Variants in DGKD observed in about 807,000 individuals in gnomAD.
DGKD encodes diacylglycerol kinase delta.
A neutral mutation model predicts 154.4 loss-of-function variants in DGKD; 68 were observed. The observed-to-expected ratio is 0.44, with a 90% CI of 0.36 to 0.54. DGKD has a LOEUF of 0.54. Ranked by LOEUF, DGKD falls within the 20% of genes least tolerant of loss-of-function variation. The pLI, the probability that DGKD is intolerant of heterozygous loss-of-function variation, is 0.00. For missense variants in DGKD, 1,343 were observed against 1,593.6 expected (o/e 0.84, Z 2.68); for synonymous variants, 693 against 638.0 (o/e 1.09, Z -1.30).
In DGKD at chr2:233,462,332, T is replaced by G; in HGVS notation, c.2982-16T>G. The G allele has an allele frequency of 6.3e-7, 1 of 1,588,292 alleles. No homozygotes were observed. Among genetic ancestry groups the G allele is most frequent in the Non-Finnish European group, 8.6e-7 (1 of 1,159,554 alleles). Reference sequence around the variant, plus strand: ...CATTTGGCCTGACATCTGCCCGTGCTTCTCTTCCTCTCTAGTATCCGAGAA... The same window carrying G: ...CATTTGGCCTGACATCTGCCCGTGCGTCTCTTCCTCTCTAGTATCCGAGAA... On this transcript the variant is annotated splice_polypyrimidine_tract_variant and intron_variant, in intron 24 of 29. Transcript: ENST00000264057.
At chr2:233,370,248 C>G (rs1702241936) in intron 1 of DGKD, among the ~76,000 whole-genome samples, 1 of 152,126 alleles carries the variant, frequency 6.6e-6, no homozygotes, top group Admixed American at 6.6e-5. Context: ...CAGTCTTGCT[C>G]TTTCTCTCAG....
rs566787714 is a variant in DGKD, at chr2:233,373,927, G to A, written c.157-14330G>A. Among the ~76,000 whole-genome samples, 66 of 151,854 alleles carry A rather than the reference G, an allele frequency of 4.3e-4. 1 individual carries two copies. The highest frequency in any genetic ancestry group is 1.5e-3 in the African/African-American group (62 of 41,420). On this transcript the variant is annotated intron_variant, in intron 1 of 29. Coordinates refer to ENST00000264057, the MANE Select transcript of DGKD (RefSeq NM_152879.3). ...TAGAATAATAATACACAAAGTAAAA[G>A]CAGATCTAGTTGCAGTATATTGTTG...
Position 233,458,240 on chromosome 2 carries a change from G to A in DGKD, c.2581-44G>A, listed in dbSNP as rs747542300. On this transcript the variant is annotated intron_variant, in intron 21 of 29. Coordinates refer to ENST00000264057, the MANE Select transcript of DGKD (RefSeq NM_152879.3). The surrounding 1 kb of genome is among the most constrained non-coding windows in gnomAD (Gnocchi z 6.6). ...GTGAGGGTAGGGGCGGCCTGTGCTC[G>A]GGGATGTGTGGAGTGGTGGTCAGCT... The A allele has an allele frequency of 1.2e-5, 16 of 1,373,050 alleles. No homozygotes were observed. The South Asian group carries it at 1.6e-4, about 13-fold the overall frequency. The allele number at this position is 1,373,050 out of a possible 1,614,324, so 85.1% of individuals were successfully genotyped here. A position where few individuals can be genotyped will look rare whatever the true frequency, so the allele number is the denominator to read the frequency against.
chr2:233,454,808 T>C lies in DGKD; in HGVS notation c.2310T>C (p.Ile770=). 6.2e-7 allele frequency: 1 copy of C among 1,614,054 alleles called. No homozygotes were observed. Among genetic ancestry groups the C allele is most frequent in the East Asian group, 2.2e-5 (1 of 44,884 alleles). The part of the protein sequence containing the change: ...EKCVMNNYFG[I]GLDAKISLDF... ...GTGTCATGAACAACTATTTTGGCAT[T>C]GGCCTGGATGCGAAGATATCCCTGG... Residue 770 remains isoleucine (I), a synonymous_variant, in exon 19 of 30, where the codon ATT becomes ATC. Transcript: ENST00000264057.
chr2:233,358,330 G>T (rs1701621474), intron 1 of DGKD, among the ~76,000 whole-genome samples: 1 of 152,184 alleles, frequency 6.6e-6, no homozygotes, highest in African/African-American at 2.4e-5. Flanking sequence ...TTTTGGATAT[G>T]AGCATGAAAG....
At chr2:233,400,312 C>T (rs1000659372) in intron 3 of DGKD, among the ~76,000 whole-genome samples, 1 of 152,240 alleles carries the variant, frequency 6.6e-6, no homozygotes, top group Non-Finnish European at 1.5e-5. Context: ...CAGCGGGAGG[C>T]AGTCAAGGCC....
chr2:233,435,296 C>T (rs1002135465), intron 5 of DGKD, among the ~76,000 whole-genome samples: 2 of 152,092 alleles, frequency 1.3e-5, no homozygotes, highest in East Asian at 3.9e-4. Context: ...TGGGCAAGGG[C>T]ATTCAGTCTG....
intron 3 of DGKD, among the ~76,000 whole-genome samples, chr2:233,425,979 A>G (rs987041676): frequency 1.3e-5 from 2 of 152,228 alleles, no homozygotes; most frequent in African/African-American, 4.8e-5. Flanking sequence ...AATGGTTTCC[A>G]TAGAGGTTGT....
In DGKD at chr2:233,445,547, C is replaced by A; in HGVS notation, c.1195-76C>A. On this transcript the variant is annotated intron_variant, in intron 10 of 29. Coordinates refer to ENST00000264057, the MANE Select transcript of DGKD (RefSeq NM_152879.3). The surrounding 1 kb of genome is among the most constrained non-coding windows in gnomAD (Gnocchi z 5.5). ...CTAACGTAACCCTCACGGTGGGGGA[C>A]AAGGAGGGCTGCGGGCTGGGAAGTG... 1 of 1,512,508 alleles carries A rather than the reference C, an allele frequency of 6.6e-7. No homozygotes were observed. Among genetic ancestry groups the A allele is most frequent in the Non-Finnish European group, 8.9e-7 (1 of 1,128,482 alleles). 93.7% of individuals were successfully genotyped at this position (1,512,508 alleles called of 1,614,324 possible).
chr2:233,403,882 C>T (rs1057229026), intron 3 of DGKD, among the ~76,000 whole-genome samples: 8 of 152,026 alleles, frequency 5.3e-5, no homozygotes, highest in Non-Finnish European at 7.4e-5. Flanking sequence ...CCTCGTGATC[C>T]GCCCACCTTG....
At chr2:233,374,355 C>A (rs1702467617) in intron 1 of DGKD, among the ~76,000 whole-genome samples, 2 of 145,952 alleles carry the variant, frequency 1.4e-5, no homozygotes, top group Non-Finnish European at 3.0e-5. Context: ...CTGGCCTTGA[C>A]ACGGGGTCTC....
chr2:233,393,954 G>T (rs982303143), intron 3 of DGKD, among the ~76,000 whole-genome samples: 6 of 152,120 alleles, frequency 3.9e-5, no homozygotes, highest in African/African-American at 1.4e-4. Context: ...GGGATTACAG[G>T]TGTGAGCCAC....
At chr2:233,444,786 C>T (rs1425023422) in intron 10 of DGKD, among the ~76,000 whole-genome samples, 2 of 151,492 alleles carry the variant, frequency 1.3e-5, no homozygotes, top group Non-Finnish European at 1.5e-5. Flanking sequence ...GTCACCTCCA[C>T]CTGGTGGGCA....
At chr2:233,390,306 T>C in intron 2 of DGKD, 97 bp from the exon 3 acceptor site, 1 of 802,758 alleles carries the variant, frequency 1.2e-6, no homozygotes, top group Non-Finnish European at 2.0e-6. Flanking sequence ...TGTGGGTGCT[T>C]GTTAGGGATC....
intron 3 of DGKD, among the ~76,000 whole-genome samples, chr2:233,419,678 G>C (rs1399809080): frequency 6.6e-6 from 1 of 152,154 alleles, no homozygotes; most frequent in Non-Finnish European, 1.5e-5. Context: ...GGTGGAAGAG[G>C]CTTGTGTGTG....
intron 2 of DGKD, among the ~76,000 whole-genome samples, chr2:233,389,802 C>A (rs528276917): frequency 6.6e-5 from 10 of 152,218 alleles, no homozygotes; most frequent in African/African-American, 2.2e-4. Context: ...CGGGGGAGGT[C>A]CCCAGGCCTG....
Position 233,450,037 on chromosome 2 carries a change from C to T in DGKD, c.1944C>T (p.Leu648=). 1 of 1,613,878 alleles carries T rather than the reference C, an allele frequency of 6.2e-7. No individual in the cohort carries two copies. Among genetic ancestry groups the T allele is most frequent in the South Asian group, 1.1e-5 (1 of 91,080 alleles). ...TQEQEGFVLG[L]SESEEKMDHR... The stretch of plus-strand genomic sequence containing the variant: ...AGCAGGAGGGCTTCGTCCTGGGCCT[C>T]TCTGAGTCAGAGGAGAAGATGGACC... Residue 648 remains leucine (L), a synonymous_variant, in exon 16 of 30, where the codon CTC becomes CTT. Transcript: ENST00000264057.
intron 18 of DGKD, 35 bp from the exon 19 acceptor site, chr2:233,454,728 G>A (rs778165821): frequency 1.5e-5 from 19 of 1,281,130 alleles, no homozygotes; most frequent in Non-Finnish European, 2.0e-5. Context: ...TGCTCAGCAG[G>A]GCTGTTGTAA....
chr2:233,397,259 A>G (rs1241108875), intron 3 of DGKD, among the ~76,000 whole-genome samples: 2 of 35,838 alleles, frequency 5.6e-5, no homozygotes, highest in Non-Finnish European at 9.7e-5. Flanking sequence ...GGTGGCTGGC[A>G]GAGGCCAGAG....
Sources: gnomAD v4.1 joint callset for allele counts (sites outside exome capture counted in the v4.1 genomes callset) on GRCh38, gnomAD v4.1.1 for gene constraint, Gnocchi (gnomAD v3.1) non-coding constraint, MANE v1.5 for transcripts, NCBI Gene and HGNC (gene_info 2026-07-23, HGNC 2026-07-21) for gene names.